Variants in SP140L observed in about 807,000 individuals in gnomAD.
SP140L encodes SP140 like nuclear body protein.
In SP140L, 64 loss-of-function variants were observed where a neutral mutation model predicts 84.3. The observed-to-expected ratio is 0.76, with a 90% confidence interval of 0.62 to 0.94. The LOEUF is 0.94. Among genes scored for constraint, SP140L ranks in the 40% least tolerant of loss-of-function variants. The pLI, the probability that SP140L is intolerant of heterozygous loss-of-function variation, is 0.00. For synonymous variants in SP140L, 242 were observed against 236.9 expected, an observed-to-expected ratio of 1.02 and a Z score of -0.20; for missense variants, 628 against 692.5, an observed-to-expected ratio of 0.91 and a Z score of 1.05.
intron 7 of SP140L, among the ~76,000 whole-genome samples, chr2:230,374,953 T>G (rs1433304562): frequency 6.6e-6 from 1 of 152,220 alleles, no homozygotes; most frequent in Non-Finnish European, 1.5e-5. Context: ...AAACGTGCAA[T>G]ATTTCTAAGA....
At position 230,402,956 on chromosome 2, in the gene SP140L, A is replaced by C. The variant is rs2062422286; in HGVS notation, c.*60A>C. ...ATGCTACTGGTTGCCACTGACTTCA[A>C]ACTGAGAGCACTTGGGAAATAGCAC... On this transcript the variant is annotated 3_prime_UTR_variant, in exon 19 of 19. Transcript: ENST00000415673. The C allele has an allele frequency of 6.5e-6, 9 of 1,378,792 alleles. No homozygotes were observed. Among genetic ancestry groups the C allele is most frequent in the Non-Finnish European group, 9.1e-6 (9 of 992,916 alleles). The allele number at this position is 1,378,792 out of a possible 1,614,324, so 85.4% of individuals were successfully genotyped here. A position where few individuals can be genotyped will look rare whatever the true frequency, so the allele number is the denominator to read the frequency against.
chr2:230,400,598 A>G, intron 15 of SP140L: 1 of 496,046 alleles, frequency 2.0e-6, no homozygotes, highest in East Asian at 3.9e-5. Context: ...CAAGACAGGA[A>G]GCACGGTCTT....
At chr2:230,366,923 G>A (rs2060897603) in intron 5 of SP140L, among the ~76,000 whole-genome samples, 1 of 151,812 alleles carries the variant, frequency 6.6e-6, no homozygotes, top group Admixed American at 6.6e-5. Context: ...AGGTGAGATG[G>A]GGTTTCACCA....
chr2:230,348,295 A>G (rs183172899), intron 2 of SP140L, among the ~76,000 whole-genome samples: 25 of 152,390 alleles, frequency 1.6e-4, no homozygotes, highest in Admixed American at 1.4e-3. Flanking sequence ...CAGTAACGTG[A>G]TAGTTAACTT....
chr2:230,327,219 G>A lies in SP140L; in HGVS notation c.-51G>A. 2 of 1,583,580 alleles carry A rather than the reference G, an allele frequency of 1.3e-6. No individual in the cohort carries two copies. Among genetic ancestry groups the A allele is most frequent in the Non-Finnish European group, 1.7e-6 (2 of 1,164,658 alleles). On this transcript the variant is annotated 5_prime_UTR_variant, in exon 1 of 19. Coordinates refer to ENST00000415673, the MANE Select transcript of SP140L (RefSeq NM_138402.6). ...CACTGCACGCAGGCTGGGCCGACTGGGGAGCTCATAGGCCAGGCTCTGACA... is the reference window on the plus strand; with the variant it reads ...CACTGCACGCAGGCTGGGCCGACTGAGGAGCTCATAGGCCAGGCTCTGACA...
intron 10 of SP140L, 43 bp downstream of exon 10, chr2:230,388,676 T>G: frequency 6.7e-7 from 1 of 1,487,406 alleles, no homozygotes; most frequent in Non-Finnish European, 9.2e-7. Context: ...ACTAAACATC[T>G]AATTTCCTGT....
At chr2:230,397,197 G>A (rs1290854378) in intron 14 of SP140L, among the ~76,000 whole-genome samples, 2 of 152,180 alleles carry the variant, frequency 1.3e-5, no homozygotes, top group Non-Finnish European at 2.9e-5. Context: ...ATGGATGAAA[G>A]GGAAAATCCC....
At chr2:230,394,883 A>G (rs1364747957) in intron 13 of SP140L, among the ~76,000 whole-genome samples, 2 of 152,212 alleles carry the variant, frequency 1.3e-5, no homozygotes, top group Non-Finnish European at 2.9e-5. Context: ...GGCTCATGAC[A>G]AGGGCCACAT....
At chr2:230,350,491 A>G (rs1010309188) in intron 2 of SP140L, among the ~76,000 whole-genome samples, 11 of 152,228 alleles carry the variant, frequency 7.2e-5, no homozygotes, top group Admixed American at 2.6e-4. Context: ...ACAATGCTTC[A>G]ATAAATACTT....
chr2:230,370,348 C>T (rs1377425368), intron 5 of SP140L, among the ~76,000 whole-genome samples: 3 of 151,822 alleles, frequency 2.0e-5, no homozygotes, highest in Non-Finnish European at 2.9e-5. Context: ...AGAGGTCACC[C>T]GAGGAATGTG....
intron 13 of SP140L, among the ~76,000 whole-genome samples, chr2:230,394,313 G>A (rs72996298): frequency 0.044 from 6,636 of 152,316 alleles, 232 homozygotes; most frequent in Non-Finnish European, 0.071. Flanking sequence ...AACCTGAGGA[G>A]GGGAAAGAGA....
intron 2 of SP140L, among the ~76,000 whole-genome samples, chr2:230,350,039 T>C (rs1005683691): frequency 3.9e-5 from 6 of 152,088 alleles, no homozygotes; most frequent in African/African-American, 1.4e-4. Context: ...ATACTTACTC[T>C]AAAGTCTTAT....
At chr2:230,332,208 T>C (rs1400738346) in intron 2 of SP140L, among the ~76,000 whole-genome samples, 1 of 152,218 alleles carries the variant, frequency 6.6e-6, no homozygotes, top group Non-Finnish European at 1.5e-5. Context: ...GGTCATCATA[T>C]CATTTTACTT....
At chr2:230,367,028 T>C (rs2060901893) in intron 5 of SP140L, among the ~76,000 whole-genome samples, 1 of 151,994 alleles carries the variant, frequency 6.6e-6, no homozygotes, top group Admixed American at 6.5e-5. Context: ...ATGCCCAGCC[T>C]GCTTTGTAGA....
chr2:230,365,358 T>C (rs1432998884), intron 5 of SP140L, among the ~76,000 whole-genome samples: 1 of 152,068 alleles, frequency 6.6e-6, no homozygotes, highest in Non-Finnish European at 1.5e-5. Flanking sequence ...GGTTTTTATA[T>C]TTGTGTTGGT....
chr2:230,351,981 C>T (rs573221322), intron 2 of SP140L, among the ~76,000 whole-genome samples: 1 of 152,274 alleles, frequency 6.6e-6, no homozygotes, highest in South Asian at 2.1e-4. Context: ...TGGTTGCAAG[C>T]ACACCATACT....
rs1029752127 is a variant in SP140L at position 230,392,172 on chromosome 2, A to G, written c.1050A>G (p.Ser350=). Residue 350 remains serine (S), a synonymous_variant, in exon 12 of 19, where the codon TCA becomes TCG. Coordinates refer to ENST00000415673, the MANE Select transcript of SP140L (RefSeq NM_138402.6). ...AAATCAAAGGAGGCTACGCAAGATC[A>G]AAGAACTGGAGGCTGAGTGTGCGCT... ...EFEIKGGYAR[S]KNWRLSVRCG... is the part of the protein sequence containing the mutation. 58 of 1,614,008 alleles carry G rather than the reference A, an allele frequency of 3.6e-5. No individual in the cohort carries two copies. Among genetic ancestry groups the G allele is most frequent in the Non-Finnish European group, 4.8e-5 (57 of 1,179,974 alleles).
At chr2:230,340,320 C>CT in intron 2 of SP140L, among the ~76,000 whole-genome samples, 1 of 146,988 alleles carries the variant, frequency 6.8e-6, no homozygotes, top group Non-Finnish European at 1.5e-5. Context: ...CAACCCCTGC[C>CT]TTTTTTTGTT....
chr2:230,397,981 G>A (rs2062128230), intron 14 of SP140L, among the ~76,000 whole-genome samples: 1 of 152,140 alleles, frequency 6.6e-6, no homozygotes, highest in Non-Finnish European at 1.5e-5. Context: ...ATTTTTCCAA[G>A]GCCAATAAGA....
Sources: allele counts gnomAD v4.1 joint callset (sites outside exome capture counted in the v4.1 genomes callset), GRCh38; gene constraint gnomAD v4.1.1; transcripts MANE v1.5; gene names NCBI Gene and HGNC (gene_info 2026-07-23, HGNC 2026-07-21).